The following ABL1 variants were observed in gnomAD, a reference collection of about 807,000 sequenced individuals.
ABL1 encodes tyrosine-protein kinase ABL1.
In ABL1, 11 loss-of-function variants were observed where a neutral mutation model predicts 94.7. That is an observed-to-expected ratio of 0.12 (90% CI 0.07 to 0.19). The LOEUF (loss-of-function observed/expected upper bound fraction) is 0.19, where lower values mean the gene tolerates loss of function less well. Ranked by LOEUF, ABL1 falls within the 10% of genes least tolerant of loss-of-function variation. The pLI is 1.00. For missense variants in ABL1, 1,082 were observed against 1,489.4 expected, an observed-to-expected ratio of 0.73 and a Z score of 4.50; for synonymous variants, 656 against 622.4, an observed-to-expected ratio of 1.05 and a Z score of -0.80.
intron 1 of ABL1, among the ~76,000 whole-genome samples, chr9:130,773,776 C>T (rs770480277): frequency 4.6e-5 from 7 of 151,880 alleles, no homozygotes; most frequent in Admixed American, 6.6e-5. Context: ...CCATTGTGCC[C>T]GGCTCCCCAA....
In ABL1 at chr9:130,740,069, T is replaced by G. The variant is rs1324421840; in HGVS notation, c.136+25614T>G. On this transcript the variant is annotated intron_variant, in intron 1 of 10. Coordinates refer to the ABL1 transcript ENST00000372348. The stretch of plus-strand genomic sequence containing the variant: ...TATGTAATTAATATTATGTTAATAT[T>G]AAATGTTATTTTAATCAGGTCACTG... Among the ~76,000 whole-genome samples, 5 of 152,252 alleles carry G rather than the reference T, an allele frequency of 3.3e-5. No homozygotes were observed. In the East Asian group the frequency reaches 7.7e-4, roughly 23 times the overall value.
chr9:130,724,645 A>G (rs1373584973), intron 1 of ABL1: 2 of 255,152 alleles, frequency 7.8e-6, no homozygotes, highest in African/African-American at 4.6e-5. Context: ...ACCCATCTTT[A>G]CTTAAAAATT....
chr9:130,885,197 C>T lies in ABL1; in HGVS notation c.2907C>T (p.Ala969=). The change falls in exon 11 of 11, where the codon GCC becomes GCT. Residue 969 remains alanine (A), a synonymous_variant. Transcript: ENST00000318560. ...CGGCCACTCCAAAGCCACAGTCCGC[C>T]AAGCCGTCGGGGACCCCCATCAGCC... The part of the protein sequence containing the change: ...VLPATPKPQS[A]KPSGTPISPA... The T allele has an allele frequency of 6.2e-7, 1 of 1,613,562 alleles. No homozygotes were observed. Among genetic ancestry groups the T allele is most frequent in the African/African-American group, 1.3e-5 (1 of 75,066 alleles).
chr9:130,823,893 A>T (rs955111313), intron 1 of ABL1, among the ~76,000 whole-genome samples: 3 of 152,136 alleles, frequency 2.0e-5, no homozygotes, highest in Non-Finnish European at 2.9e-5. Flanking sequence ...CCTGTGTGGG[A>T]TTCCTGTTCA....
chr9:130,715,722 C>CT (rs1239813174), intron 1 of ABL1, among the ~76,000 whole-genome samples: 7 of 152,270 alleles, frequency 4.6e-5, no homozygotes, highest in South Asian at 4.1e-4. Flanking sequence ...TTTGGCGGAA[C>CT]TTATCAGAAT....
At chr9:130,866,510 T>A (rs1831159462) in intron 4 of ABL1, among the ~76,000 whole-genome samples, 1 of 152,158 alleles carries the variant, frequency 6.6e-6, no homozygotes, top group Non-Finnish European at 1.5e-5. Flanking sequence ...CCAGCCTGTT[T>A]CCTATCGCTG....
chr9:130,785,796 G>A (rs1169060539), intron 1 of ABL1, among the ~76,000 whole-genome samples: 1 of 151,908 alleles, frequency 6.6e-6, no homozygotes, highest in South Asian at 2.1e-4. Flanking sequence ...GGTGGTGCAT[G>A]CCTGTAATCC....
chr9:130,846,559 G>A (rs1370514950), intron 1 of ABL1, among the ~76,000 whole-genome samples: 4 of 152,290 alleles, frequency 2.6e-5, no homozygotes, highest in South Asian at 2.1e-4. Flanking sequence ...AGAACCTTCC[G>A]GAGAGCCCAC....
Position 130,792,682 on chromosome 9 carries a change from C to G in ABL1, c.137-61382C>G, listed in dbSNP as rs535747623. Among the ~76,000 whole-genome samples the G allele has an allele frequency of 2.0e-5, 3 of 152,246 alleles. No individual in the cohort carries two copies. The East Asian group carries it at 5.8e-4, about 29-fold the overall frequency. On this transcript the variant is annotated intron_variant, in intron 1 of 10. Coordinates refer to the ABL1 transcript ENST00000372348. ...AATATGGTACCTTTTGTTTACGTCA[C>G]CACACTTGGCAAATTTGATCGTATG...
chr9:130,822,321 A>G (rs1830372894), intron 1 of ABL1, among the ~76,000 whole-genome samples: 1 of 152,212 alleles, frequency 6.6e-6, no homozygotes, highest in African/African-American at 2.4e-5. Context: ...AGAAACTGCC[A>G]AACTATTTCC....
At chr9:130,742,297 A>C (rs574167716) in intron 1 of ABL1, among the ~76,000 whole-genome samples, 41 of 152,306 alleles carry the variant, frequency 2.7e-4, no homozygotes, top group African/African-American at 9.9e-4. Context: ...ATCCAGGTCA[A>C]TGCCCTTACC....
chr9:130,855,444 G>A (rs12004998), intron 3 of ABL1, among the ~76,000 whole-genome samples: 3,894 of 152,150 alleles, frequency 0.026, 179 homozygotes, highest in African/African-American at 0.088. Context: ...CATCCCCAAC[G>A]AGAAAAATTC....
rs1421180473 is a variant in ABL1 at position 130,885,052 on chromosome 9, A to G, written c.2762A>G (p.Glu921Gly). The G allele has an allele frequency of 6.2e-7, 1 of 1,610,284 alleles. No homozygotes were observed. Among genetic ancestry groups the G allele is most frequent in the Admixed American group, 1.7e-5 (1 of 59,808 alleles). ...AAGCCCTCGCAGAGCCCGAGCCAGGAGGCGGCCGGGGAGGCAGTCCTGGGC... is the reference window on the plus strand; with the variant it reads ...AAGCCCTCGCAGAGCCCGAGCCAGGGGGCGGCCGGGGAGGCAGTCCTGGGC... The part of the protein sequence containing the change: ...GGKPSQSPSQ[E>G]AAGEAVLGAK... The change falls in exon 11 of 11, where the codon GAG becomes GGG. Residue 921 changes from glutamate to glycine, a missense_variant. By Grantham distance (98) the Glu-to-Gly change is moderately conservative. Around this residue, in one of 7 missense-constraint regions of ABL1, gnomAD observed 780 missense variants for 835.8 expected, o/e 0.93. Coordinates refer to ENST00000318560, the MANE Select transcript of ABL1 (RefSeq NM_005157.6).
Position 130,847,164 on chromosome 9 carries a change from A to G in ABL1, c.80-6900A>G, listed in dbSNP as rs562489015. Among the ~76,000 whole-genome samples the G allele has an allele frequency of 2.9e-4, 44 of 152,318 alleles. 1 individual carries two copies. The highest frequency in any genetic ancestry group is 4.1e-4 in the South Asian group (2 of 4,830). On this transcript the variant is annotated intron_variant, in intron 1 of 10. Transcript: ENST00000318560. The stretch of plus-strand genomic sequence containing the variant: ...GTTAACATTATGACAAAATAACAAT[A>G]TGGTTTTAAGTGGAGTGAGAGGCAC...
At position 130,797,239 on chromosome 9, in the gene ABL1, A is replaced by G. The variant is rs1013744377; in HGVS notation, c.137-56825A>G. The stretch of plus-strand genomic sequence containing the variant: ...CGACAGAGTGAGACTCCATCTCGAA[A>G]AAAAAAAAAAAAAAAAAAAAAAAAA... On this transcript the variant is annotated intron_variant, in intron 1 of 10. Coordinates refer to the ABL1 transcript ENST00000372348. Among the ~76,000 whole-genome samples the G allele has an allele frequency of 9.5e-4, 53 of 55,798 alleles. No individual in the cohort carries two copies. The East Asian group carries it at 9.6e-3, about 10-fold the overall frequency. 36.6% of individuals were successfully genotyped at this position (55,798 alleles called of 152,430 possible).
intron 1 of ABL1, among the ~76,000 whole-genome samples, chr9:130,813,335 G>C (rs962173189): frequency 2.0e-5 from 3 of 151,962 alleles, no homozygotes; most frequent in African/African-American, 7.3e-5. Flanking sequence ...GCTGAGGCGG[G>C]CGGATCACGA....
At chr9:130,772,280 T>G (rs1406943124) in intron 1 of ABL1, among the ~76,000 whole-genome samples, 1 of 152,070 alleles carries the variant, frequency 6.6e-6, no homozygotes, top group Non-Finnish European at 1.5e-5. Context: ...AAACATACAC[T>G]CTCCCTGAAG....
chr9:130,859,677 C>CTTTTTTTTTTTTTTT lies in ABL1; in HGVS notation c.550-3071_550-3057dup, dbSNP rs869234280. ...AAACGCTGTTTCTTTTCTTTCTTTC[C>CTTTTTTTTTTTTTTT]TTTTTTTTTTTTTTTTTTTTTTTTT... On this transcript the variant is annotated intron_variant, in intron 3 of 10. Transcript: ENST00000318560. Among the ~76,000 whole-genome samples, 56 of 78,446 alleles carry CTTTTTTTTTTTTTTT rather than the reference C, an allele frequency of 7.1e-4. 7 individuals are homozygous for CTTTTTTTTTTTTTTT. The highest frequency in any genetic ancestry group is 1.0e-3 in the African/African-American group (15 of 14,880). The allele number at this position is 78,446 out of a possible 152,430, so 51.5% of individuals were successfully genotyped here. A position where few individuals can be genotyped will look rare whatever the true frequency, so the allele number is the denominator to read the frequency against.
chr9:130,855,576 G>C (rs1036009774), intron 3 of ABL1, among the ~76,000 whole-genome samples: 1 of 152,106 alleles, frequency 6.6e-6, no homozygotes, highest in African/African-American at 2.4e-5. Context: ...GTGGACATAC[G>C]TGCATACACG....
Sources: gnomAD v4.1 joint callset for allele counts (sites outside exome capture counted in the v4.1 genomes callset) on GRCh38, gnomAD v4.1.1 for gene constraint, gnomAD v4.1.1 regional missense constraint, MANE v1.5 for transcripts, NCBI Gene and HGNC (gene_info 2026-07-23, HGNC 2026-07-21) for gene names.